The following KLHL1 variants were observed in gnomAD, a reference collection of about 807,000 sequenced individuals.
The protein encoded by KLHL1 is kelch-like protein 1.
A neutral mutation model predicts 77.7 loss-of-function variants in KLHL1; 47 were observed. That is an observed-to-expected ratio of 0.60 (90% CI 0.48 to 0.77). KLHL1 has a LOEUF of 0.77. KLHL1 is among the 30% of genes least tolerant of loss of function. The probability of loss-of-function intolerance (pLI) is 0.00; values close to 1 mark genes in which losing one functional copy is unlikely to be tolerated. For synonymous variants in KLHL1, 360 were observed against 325.2 expected (o/e 1.11, Z -1.15); for missense variants, 925 against 910.8 (o/e 1.02, Z -0.20).
At chr13:69,985,628 A>G (rs932298680) in intron 1 of KLHL1, among the ~76,000 whole-genome samples, 1 of 151,490 alleles carries the variant, frequency 6.6e-6, no homozygotes, top group Non-Finnish European at 1.5e-5. Flanking sequence ...CAATTCCACT[A>G]CAGGGTATAT....
In KLHL1 at chr13:70,024,620, T is replaced by TTCTCTCTCTCTCTCTCTCTCTTTC. The variant is rs1555291451; in HGVS notation, c.498-48819_498-48818insGAAAGAGAGAGAGAGAGAGAGAGA. Among the ~76,000 whole-genome samples the TTCTCTCTCTCTCTCTCTCTCTTTC allele has an allele frequency of 2.8e-4, 36 of 130,406 alleles. No individual in the cohort carries two copies. In the East Asian group the frequency reaches 5.7e-3, roughly 20 times the overall value. The allele number at this position is 130,406 out of a possible 152,430, so 85.6% of individuals were successfully genotyped here. ...CTGGTTAGGGGTGAGGAGAAAAGAT[T>TTCTCTCTCTCTCTCTCTCTCTTTC]TCTCTCTCTCTCTCTCTCTCTCTCT... is the stretch of plus-strand genomic sequence containing the variant. On this transcript the variant is annotated intron_variant, in intron 1 of 10. Coordinates refer to ENST00000377844, the MANE Select transcript of KLHL1 (RefSeq NM_020866.3).
chr13:69,833,747 G>GTGTGTATATATATA (rs545246675), intron 6 of KLHL1, among the ~76,000 whole-genome samples: 12 of 142,318 alleles, frequency 8.4e-5, no homozygotes, highest in African/African-American at 3.3e-4. Flanking sequence ...AGAAATAATG[G>GTGTGTATATATATA]TATATATATA....
intron 6 of KLHL1, among the ~76,000 whole-genome samples, chr13:69,826,812 G>A (rs1280347113): frequency 2.6e-5 from 4 of 151,528 alleles, no homozygotes; most frequent in Non-Finnish European, 4.4e-5. Flanking sequence ...GAGAATATAT[G>A]GCTGTGAAAT....
chr13:70,069,738 CA>C (rs1887095978), intron 1 of KLHL1, among the ~76,000 whole-genome samples: 1 of 152,148 alleles, frequency 6.6e-6, no homozygotes, highest in South Asian at 2.1e-4. Flanking sequence ...AAATAATCAG[CA>C]AGCCTGAAGA....
At chr13:69,834,321 T>C (rs1248804638) in intron 6 of KLHL1, among the ~76,000 whole-genome samples, 1 of 152,028 alleles carries the variant, frequency 6.6e-6, no homozygotes, top group Non-Finnish European at 1.5e-5. Context: ...TATGTATTTA[T>C]GTCATTGATG....
chr13:70,083,389 C>T (rs1253083762), intron 1 of KLHL1, among the ~76,000 whole-genome samples: 2 of 152,110 alleles, frequency 1.3e-5, no homozygotes, highest in African/African-American at 4.8e-5. Context: ...CCAAGATGAA[C>T]TAACTCCTGG....
intron 9 of KLHL1, 45 bp downstream of exon 9, chr13:69,719,324 A>G: frequency 6.5e-7 from 1 of 1,549,904 alleles, no homozygotes; most frequent in South Asian, 1.1e-5. Flanking sequence ...CATCAATGTG[A>G]TTTGCACTGT....
intron 1 of KLHL1, among the ~76,000 whole-genome samples, chr13:70,066,392 A>G (rs556974121): frequency 6.6e-5 from 10 of 152,316 alleles, no homozygotes; most frequent in Non-Finnish European, 1.3e-4. Context: ...TAGAGATAAG[A>G]ACTTAAGTAA....
chr13:69,916,224 G>T (rs1447349448), intron 4 of KLHL1, among the ~76,000 whole-genome samples: 14 of 152,064 alleles, frequency 9.2e-5, no homozygotes, highest in Non-Finnish European at 1.9e-4. Context: ...ATTTGACCCA[G>T]CCATCCCATT....
At chr13:69,734,293 G>A (rs1873677555) in intron 8 of KLHL1, among the ~76,000 whole-genome samples, 1 of 152,120 alleles carries the variant, frequency 6.6e-6, no homozygotes. Context: ...AGTTTCCTGA[G>A]GCCTCCCTAG....
At chr13:70,022,506 A>G (rs9542164) in intron 1 of KLHL1, among the ~76,000 whole-genome samples, 49,462 of 151,740 alleles carry the variant, frequency 0.33, 9,555 homozygotes, top group South Asian at 0.45. Context: ...AAAAAATTAT[A>G]TATACTTAAT....
chr13:69,792,709 G>A (rs937258788), intron 7 of KLHL1, among the ~76,000 whole-genome samples: 12 of 151,974 alleles, frequency 7.9e-5, no homozygotes, highest in Non-Finnish European at 1.3e-4. Flanking sequence ...ATCCATAAAC[G>A]GAATGAAATA....
chr13:69,720,668 C>CA (rs1873004134), intron 8 of KLHL1, among the ~76,000 whole-genome samples: 2 of 151,444 alleles, frequency 1.3e-5, no homozygotes, highest in Non-Finnish European at 2.9e-5. Context: ...AAACCTTTTG[C>CA]AAAAAAACTT....
At chr13:69,960,640 G>A (rs1228217922) in intron 3 of KLHL1, among the ~76,000 whole-genome samples, 1 of 151,778 alleles carries the variant, frequency 6.6e-6, no homozygotes. Context: ...GCTTCATGAG[G>A]GCAATACACA....
At chr13:70,096,863 T>C (rs957329620) in intron 1 of KLHL1, among the ~76,000 whole-genome samples, 4 of 151,876 alleles carry the variant, frequency 2.6e-5, no homozygotes, top group African/African-American at 9.7e-5. Context: ...CAAAAGATAG[T>C]AGCAAGAAAA....
intron 1 of KLHL1, among the ~76,000 whole-genome samples, chr13:70,033,401 T>C (rs1477173738): frequency 1.3e-5 from 2 of 152,076 alleles, no homozygotes; most frequent in Non-Finnish European, 2.9e-5. Context: ...ACCATTCTCC[T>C]GCCTCAGCCT....
chr13:70,036,523 G>A (rs1389987954), intron 1 of KLHL1, among the ~76,000 whole-genome samples: 1 of 151,854 alleles, frequency 6.6e-6, no homozygotes, highest in African/African-American at 2.4e-5. Context: ...ACGTATGTGT[G>A]TATGGGTGTA....
At chr13:70,043,669 A>G (rs1270223633) in intron 1 of KLHL1, among the ~76,000 whole-genome samples, 1 of 152,208 alleles carries the variant, frequency 6.6e-6, no homozygotes, top group Non-Finnish European at 1.5e-5. Context: ...TGCCTACAAT[A>G]TTCTGTAAAG....
At chr13:70,042,101 T>C (rs1886391484) in intron 1 of KLHL1, among the ~76,000 whole-genome samples, 1 of 152,188 alleles carries the variant, frequency 6.6e-6, no homozygotes, top group South Asian at 2.1e-4. Context: ...CCACTTCTTG[T>C]TGGCATTTCT....
Sources: allele counts gnomAD v4.1 joint callset (sites outside exome capture counted in the v4.1 genomes callset), GRCh38; gene constraint gnomAD v4.1.1; transcripts MANE v1.5; gene names NCBI Gene and HGNC (gene_info 2026-07-23, HGNC 2026-07-21).